EVA1C: variants seen among roughly 807,000 people sequenced by gnomAD.
EVA1C encodes eva-1 homolog C, also known as protein eva-1 homolog C.
Under a neutral mutation model 45.4 loss-of-function variants are expected in EVA1C, and 25 were observed. That is an observed-to-expected ratio of 0.55 (90% confidence interval 0.40 to 0.77). EVA1C has a LOEUF of 0.77. Ranked by LOEUF, EVA1C falls within the 30% of genes least tolerant of loss-of-function variation. The pLI, the probability that EVA1C is intolerant of heterozygous loss-of-function variation, is 0.00. For synonymous variants in EVA1C, 190 were observed against 221.2 expected (o/e 0.86, Z 1.25); for missense variants, 479 against 554.8 (o/e 0.86, Z 1.37).
chr21:32,446,840 A>G (rs1263667953), intron 1 of EVA1C, among the ~76,000 whole-genome samples: 1 of 152,112 alleles, frequency 6.6e-6, no homozygotes, highest in African/African-American at 2.4e-5. Context: ...CCACTCCTGG[A>G]CATTTCCATA....
chr21:32,451,779 T>C (rs1286026703), intron 1 of EVA1C, among the ~76,000 whole-genome samples: 1 of 152,218 alleles, frequency 6.6e-6, no homozygotes, highest in Non-Finnish European at 1.5e-5. Flanking sequence ...CTTCCCTCTG[T>C]GTCTCTTCTT....
chr21:32,480,334 T>C (rs2036734697), intron 4 of EVA1C, among the ~76,000 whole-genome samples: 1 of 139,144 alleles, frequency 7.2e-6, no homozygotes, highest in African/African-American at 2.7e-5. Flanking sequence ...AGTTGGTACA[T>C]TCATAAAATG....
Position 32,503,515 on chromosome 21 carries a change from C to T in EVA1C, c.860-411C>T, listed in dbSNP as rs189317905. Among the ~76,000 whole-genome samples, 8 of 141,146 alleles carry T rather than the reference C, an allele frequency of 5.7e-5. No homozygotes were observed. In the East Asian group the frequency reaches 1.6e-3, roughly 27 times the overall value. The allele number at this position is 141,146 out of a possible 152,430, so 92.6% of individuals were successfully genotyped here. On this transcript the variant is annotated intron_variant, in intron 6 of 7. Transcript: ENST00000300255. ...TGAGCCAAGATTGTGCCATTGCACT[C>T]CAGCCTGGGCAACAAGAGTGAAACT... is the stretch of plus-strand genomic sequence containing the variant.
chr21:32,474,084 T>C lies in EVA1C; in HGVS notation c.634+6236T>C, dbSNP rs967711752. On this transcript the variant is annotated intron_variant, in intron 4 of 7. Coordinates refer to ENST00000300255, the MANE Select transcript of EVA1C (RefSeq NM_058187.5). This position sits in a 1 kb window ranked among gnomAD's most constrained non-coding sequence, Gnocchi z 4.4. The stretch of plus-strand genomic sequence containing the variant: ...CTGGGACTACAGGTGCATGCCACCA[T>C]GCCTGGCATGGTGGAGATGAAGTCT... 1 of 351,454 alleles carries C rather than the reference T, an allele frequency of 2.8e-6. No homozygotes were observed. Among genetic ancestry groups the C allele is most frequent in the Non-Finnish European group, 4.0e-6 (1 of 250,744 alleles). 21.8% of individuals were successfully genotyped at this position (351,454 alleles called of 1,614,324 possible). A position where few individuals can be genotyped will look rare whatever the true frequency, so the allele number is the denominator to read the frequency against.
Position 32,427,157 on chromosome 21 carries a change from C to T in EVA1C, c.160+14144C>T, listed in dbSNP as rs184343569. The stretch of plus-strand genomic sequence containing the variant: ...AGCTCAGATTAAAAAACTGAAGCAT[C>T]TTTTCCCTGGACACCCTTTTAATAA... On this transcript the variant is annotated intron_variant, in intron 1 of 7. Transcript: ENST00000300255. Among the ~76,000 whole-genome samples the T allele has an allele frequency of 2.5e-4, 38 of 152,308 alleles. No individual in the cohort carries two copies. In the East Asian group the frequency reaches 6.4e-3, roughly 26 times the overall value.
intron 4 of EVA1C, among the ~76,000 whole-genome samples, chr21:32,476,343 T>C (rs2036564006): frequency 6.6e-6 from 1 of 151,960 alleles, no homozygotes; most frequent in South Asian, 2.1e-4. Flanking sequence ...ATGTCATATA[T>C]AGGGAAGTTC....
intron 3 of EVA1C, among the ~76,000 whole-genome samples, chr21:32,461,372 A>C (rs1273289339): frequency 6.6e-6 from 1 of 152,168 alleles, no homozygotes; most frequent in African/African-American, 2.4e-5. Context: ...CCCCATAGAG[A>C]GCAGATGAGA....
chr21:32,424,463 TA>T (rs113502585), intron 1 of EVA1C, among the ~76,000 whole-genome samples: 7 of 152,086 alleles, frequency 4.6e-5, no homozygotes, highest in African/African-American at 1.4e-4. Context: ...TCTTTTTCAT[TA>T]AAAAAAATGT....
At chr21:32,453,162 CCT>C (rs2035647487) in intron 1 of EVA1C, 148 bp from the exon 2 acceptor site, 5 of 562,284 alleles carry the variant, frequency 8.9e-6, no homozygotes, top group Non-Finnish European at 1.6e-5. Flanking sequence ...GGTTTGGTGA[CCT>C]CTGCACCAGA....
chr21:32,463,800 G>A (rs75230541), intron 3 of EVA1C, among the ~76,000 whole-genome samples: 281 of 149,714 alleles, frequency 1.9e-3, no homozygotes, highest in Non-Finnish European at 3.1e-3. Context: ...AAAAAAAAAA[G>A]ACTTCCATTT....
At chr21:32,507,549 T>C (rs1404131604) in intron 7 of EVA1C, among the ~76,000 whole-genome samples, 1 of 113,610 alleles carries the variant, frequency 8.8e-6, no homozygotes, top group African/African-American at 4.9e-5. Context: ...TGCGTCTGTA[T>C]GTATGCGTGT....
At chr21:32,484,643 G>A (rs1397962971) in intron 4 of EVA1C, among the ~76,000 whole-genome samples, 1 of 152,164 alleles carries the variant, frequency 6.6e-6, no homozygotes, top group Non-Finnish European at 1.5e-5. Flanking sequence ...TACCTGGGCT[G>A]TGAATTCCTC....
chr21:32,501,381 C>T (rs1304948597), intron 5 of EVA1C, 34 bp from the exon 6 acceptor site: 4 of 1,562,346 alleles, frequency 2.6e-6, no homozygotes, highest in Non-Finnish European at 3.5e-6. Flanking sequence ...AAAAATATAC[C>T]ACGAATTTAA....
intron 4 of EVA1C, among the ~76,000 whole-genome samples, chr21:32,479,570 G>T (rs1300440235): frequency 6.6e-6 from 1 of 152,184 alleles, no homozygotes; most frequent in African/African-American, 2.4e-5. Flanking sequence ...AGTCAGACCT[G>T]AATCAGACCT....
At chr21:32,436,313 C>T (rs545204047) in intron 1 of EVA1C, among the ~76,000 whole-genome samples, 15 of 152,296 alleles carry the variant, frequency 9.8e-5, no homozygotes, top group Middle Eastern at 3.4e-3. Context: ...CCACCCGCCT[C>T]GGCCTCCCAA....
intron 4 of EVA1C, among the ~76,000 whole-genome samples, chr21:32,477,064 G>C (rs1329392492): frequency 6.6e-6 from 1 of 152,120 alleles, no homozygotes; most frequent in African/African-American, 2.4e-5. Flanking sequence ...ATATGGAAAG[G>C]GGGTAAAGAG....
chr21:32,502,040 C>CTTTCTTTCTTTCTTTCT (rs1555875244), intron 6 of EVA1C, among the ~76,000 whole-genome samples: 8 of 101,640 alleles, frequency 7.9e-5, no homozygotes, highest in African/African-American at 3.1e-4. Flanking sequence ...TTCTTTCTTT[C>CTTTCTTTCTTTCTTTCT]TTTCTTTCTT....
chr21:32,418,967 C>CTTT (rs2034157980), intron 1 of EVA1C, among the ~76,000 whole-genome samples: 1 of 151,932 alleles, frequency 6.6e-6, no homozygotes, highest in South Asian at 2.1e-4. Context: ...ATTGGTTTTC[C>CTTT]ATCTTAATAA....
intron 4 of EVA1C, among the ~76,000 whole-genome samples, chr21:32,479,847 C>CTT (rs111331782): frequency 6.1e-4 from 89 of 146,714 alleles, no homozygotes; most frequent in East Asian, 4.4e-3. Flanking sequence ...CCCAGCTACT[C>CTT]TTTTTTTTTT....
Sources: allele counts gnomAD v4.1 joint callset (sites outside exome capture counted in the v4.1 genomes callset), GRCh38; gene constraint gnomAD v4.1.1; non-coding constraint Gnocchi (gnomAD v3.1); transcripts MANE v1.5; gene names NCBI Gene and HGNC (gene_info 2026-07-23, HGNC 2026-07-21).